Variants in CABLES1 observed in about 807,000 individuals in gnomAD.
The protein encoded by CABLES1 is CDK5 and ABL1 enzyme substrate 1.
CABLES1 carries 36 observed loss-of-function variants against 57.8 expected under a neutral mutation model. The observed-to-expected ratio is 0.62, with a 90% CI of 0.48 to 0.82. The LOEUF (loss-of-function observed/expected upper bound fraction) is 0.82, where lower values mean the gene tolerates loss of function less well. CABLES1 is among the 40% of genes least tolerant of loss of function. The pLI is 0.00. For synonymous variants in CABLES1, 374 were observed against 363.0 expected (o/e 1.03, Z -0.35); for missense variants, 767 against 836.6 (o/e 0.92, Z 1.03).
At chr18:23,212,755 G>A (rs748782588) in intron 3 of CABLES1, among the ~76,000 whole-genome samples, 2 of 152,134 alleles carry the variant, frequency 1.3e-5, no homozygotes, top group Non-Finnish European at 2.9e-5. Flanking sequence ...ATGGGGAATT[G>A]GAGACAGCAC....
In CABLES1 at chr18:23,260,092, G is replaced by T. The variant is rs1320438518; in HGVS notation, c.*2725G>T. On this transcript the variant is annotated 3_prime_UTR_variant, in exon 10 of 10. Transcript: ENST00000256925. ...GAGGTTGCTGCAGCTGCCCCCAGGAGGAAACGGGCAGCAGGGAGTGTGGCC... is the reference window on the plus strand; with the variant it reads ...GAGGTTGCTGCAGCTGCCCCCAGGATGAAACGGGCAGCAGGGAGTGTGGCC... 1 of 152,244 alleles carries T rather than the reference G, an allele frequency of 6.6e-6. No homozygotes were observed. Among genetic ancestry groups the T allele is most frequent in the East Asian group, 1.9e-4 (1 of 5,192 alleles). The allele number at this position is 152,244 out of a possible 1,614,324, so 9.4% of individuals were successfully genotyped here.
At chr18:23,256,302 G>A (rs898930430) in intron 9 of CABLES1, among the ~76,000 whole-genome samples, 7 of 152,140 alleles carry the variant, frequency 4.6e-5, no homozygotes, top group East Asian at 1.9e-4. Flanking sequence ...GGGTGGGCAC[G>A]CAAGATGCCA....
chr18:23,241,613 T>C (rs981469776), intron 7 of CABLES1, among the ~76,000 whole-genome samples: 2 of 152,248 alleles, frequency 1.3e-5, no homozygotes, highest in African/African-American at 4.8e-5. Context: ...TATTTGTTCA[T>C]GCGGCTGCCA....
intron 1 of CABLES1, among the ~76,000 whole-genome samples, chr18:23,159,567 A>G (rs1461584140): frequency 6.6e-6 from 1 of 152,222 alleles, no homozygotes; most frequent in Non-Finnish European, 1.5e-5. Context: ...ACTTTTTGTC[A>G]GTGAACAAGT....
chr18:23,226,125 T>A (rs1265020880), intron 4 of CABLES1, among the ~76,000 whole-genome samples: 2 of 152,114 alleles, frequency 1.3e-5, no homozygotes, highest in Non-Finnish European at 2.9e-5. Context: ...GTTACTCAGC[T>A]GGGCACAGTG....
At chr18:23,135,089 C>G (rs1288575671), upstream of CABLES1, among the ~76,000 whole-genome samples, 1 of 152,204 alleles carries the variant, frequency 6.6e-6, no homozygotes, top group South Asian at 2.1e-4. Flanking sequence ...CCTGTAGACC[C>G]ACAACTCTCC....
chr18:23,228,896 T>C (rs796963810), intron 4 of CABLES1, among the ~76,000 whole-genome samples: 18 of 152,270 alleles, frequency 1.2e-4, no homozygotes, highest in African/African-American at 4.3e-4. Flanking sequence ...TACCCAGGAC[T>C]GTAGAGAGAA....
chr18:23,175,819 G>GTA (rs2047119173), intron 1 of CABLES1, among the ~76,000 whole-genome samples: 1 of 152,114 alleles, frequency 6.6e-6, no homozygotes, highest in Non-Finnish European at 1.5e-5. Flanking sequence ...CTATACTTAA[G>GTA]GATTTATTGA....
At chr18:23,255,137 C>A (rs2048130603) in intron 9 of CABLES1, among the ~76,000 whole-genome samples, 1 of 151,988 alleles carries the variant, frequency 6.6e-6, no homozygotes, top group Non-Finnish European at 1.5e-5. Flanking sequence ...GAGTGTGAGG[C>A]CCATGGAGGA....
chr18:23,207,318 C>G (rs531209562), intron 3 of CABLES1, among the ~76,000 whole-genome samples: 1 of 152,126 alleles, frequency 6.6e-6, no homozygotes, highest in Admixed American at 6.5e-5. Flanking sequence ...GAGTCAGGCA[C>G]GTGGAGGTCC....
At chr18:23,157,423 A>T (rs2144969772) in intron 1 of CABLES1, among the ~76,000 whole-genome samples, 1 of 152,170 alleles carries the variant, frequency 6.6e-6, no homozygotes, top group Admixed American at 6.5e-5. Flanking sequence ...AGCCCATCTC[A>T]CTTATTCCTC....
intron 1 of CABLES1, among the ~76,000 whole-genome samples, chr18:23,159,502 T>A (rs990667291): frequency 6.6e-6 from 1 of 152,248 alleles, no homozygotes; most frequent in Non-Finnish European, 1.5e-5. Flanking sequence ...AACAAGTGTT[T>A]TGTGACATGT....
intron 3 of CABLES1, among the ~76,000 whole-genome samples, chr18:23,202,243 T>C (rs2047330734): frequency 1.3e-5 from 2 of 152,198 alleles, no homozygotes; most frequent in Non-Finnish European, 2.9e-5. Context: ...GGTAAACTTA[T>C]CTTCCCTGTA....
At chr18:23,162,548 C>G (rs1036689875) in intron 1 of CABLES1, among the ~76,000 whole-genome samples, 5 of 152,162 alleles carry the variant, frequency 3.3e-5, no homozygotes, top group Non-Finnish European at 5.9e-5. Flanking sequence ...CTTAAGGGAA[C>G]TTACAGTCCT....
At chr18:23,147,054 C>G (rs544861441) in intron 1 of CABLES1, among the ~76,000 whole-genome samples, 1 of 152,190 alleles carries the variant, frequency 6.6e-6, no homozygotes, top group African/African-American at 2.4e-5. Context: ...TCTCATCAAG[C>G]GAGCATGCTG....
At chr18:23,134,637 A>C (rs1271581913), upstream of CABLES1, 4 of 152,230 alleles carry the variant, frequency 2.6e-5, no homozygotes, top group African/African-American at 9.7e-5. Context: ...ATCATAATCT[A>C]CAAAAATTTG....
At chr18:23,192,196 A>G (rs2047249051) in intron 2 of CABLES1, among the ~76,000 whole-genome samples, 1 of 152,202 alleles carries the variant, frequency 6.6e-6, no homozygotes, top group South Asian at 2.1e-4. Context: ...GTGTCCAAAA[A>G]TAAGGAGTTA....
At chr18:23,144,363 C>T (rs933594332) in intron 1 of CABLES1, among the ~76,000 whole-genome samples, 9 of 152,232 alleles carry the variant, frequency 5.9e-5, no homozygotes, top group African/African-American at 2.2e-4. Flanking sequence ...CACCCCACAA[C>T]GTTCTAGGTC....
chr18:23,170,463 G>A (rs1408773544), intron 1 of CABLES1, among the ~76,000 whole-genome samples: 1 of 152,056 alleles, frequency 6.6e-6, no homozygotes, highest in Non-Finnish European at 1.5e-5. Flanking sequence ...CGTGTTTCTG[G>A]GTTCCAAGAC....
Sources: allele counts gnomAD v4.1 joint callset (sites outside exome capture counted in the v4.1 genomes callset), GRCh38; gene constraint gnomAD v4.1.1; transcripts MANE v1.5; gene names NCBI Gene and HGNC (gene_info 2026-07-23, HGNC 2026-07-21).